The following DAG1 variants were observed in gnomAD, a reference collection of about 807,000 sequenced individuals.
DAG1 encodes the protein dystroglycan 1.
Under a neutral mutation model 46.1 loss-of-function variants are expected in DAG1, and 8 were observed. The ratio of observed to expected loss-of-function variants is 0.17; its 90% confidence interval spans 0.10 to 0.31. The LOEUF is 0.31. Ranked by LOEUF, DAG1 falls within the 10% of genes least tolerant of loss-of-function variation. The pLI is 1.00. For missense variants in DAG1, 1,003 were observed against 1,189.9 expected (o/e 0.84, Z 2.31); for synonymous variants, 495 against 481.8 (o/e 1.03, Z -0.36).
intron 1 of DAG1, chr3:49,487,358 C>CCCAG (rs1167490491): frequency 4.7e-4 from 71 of 152,348 alleles, no homozygotes; most frequent in African/African-American, 1.6e-3. Context: ...CAGCTGGGCT[C>CCCAG]CTGCATTCCT....
chr3:49,474,941 A>G (rs1192101113), intron 1 of DAG1, among the ~76,000 whole-genome samples: 1 of 151,380 alleles, frequency 6.6e-6, no homozygotes, highest in Non-Finnish European at 1.5e-5. Context: ...CCTCCCGAGT[A>G]GCTGGGACTA....
Position 49,532,039 on chromosome 3 carries a change from G to A in DAG1, c.1528G>A (p.Val510Ile). ...CCATATTGACAGGGTAGATGCCTGGGTTGGCACCTACTTTGAGGTGAAGAT... is the reference window on the plus strand; with the variant it reads ...CCATATTGACAGGGTAGATGCCTGGATTGGCACCTACTTTGAGGTGAAGAT... ...KNHIDRVDAW[V>I]GTYFEVKIPS... Residue 510 changes from valine (V) to isoleucine (I), a missense_variant, in exon 3 of 3, where the codon GTT (valine) becomes ATT (isoleucine). Around this residue, in one of 3 missense-constraint regions of DAG1, gnomAD observed 755 missense variants for 854.1 expected, o/e 0.88. Coordinates refer to ENST00000308775, the MANE Select transcript of DAG1 (RefSeq NM_004393.6). The surrounding 1 kb of genome is among the most constrained non-coding windows in gnomAD (Gnocchi z 5.4). 1 of 1,614,218 alleles carries A rather than the reference G, an allele frequency of 6.2e-7. No homozygotes were observed. The highest frequency in any genetic ancestry group is 1.3e-5 in the African/African-American group (1 of 75,058).
intron 1 of DAG1, among the ~76,000 whole-genome samples, chr3:49,486,481 G>A (rs2050030137): frequency 6.6e-6 from 1 of 151,118 alleles, no homozygotes; most frequent in Non-Finnish European, 1.5e-5. Flanking sequence ...GTATCCTGAA[G>A]TGCTGGGATT....
intron 2 of DAG1, among the ~76,000 whole-genome samples, chr3:49,513,437 T>G (rs1161135855): frequency 1.3e-5 from 2 of 152,176 alleles, no homozygotes; most frequent in African/African-American, 4.8e-5. Context: ...ATATAGACTC[T>G]GATGGGTGTT....
chr3:49,520,021 T>C (rs1260668424), intron 2 of DAG1, among the ~76,000 whole-genome samples: 1 of 152,218 alleles, frequency 6.6e-6, no homozygotes, highest in Non-Finnish European at 1.5e-5. Context: ...GGCCAGGTTC[T>C]GCTTTGAGGT....
intron 2 of DAG1, among the ~76,000 whole-genome samples, chr3:49,524,815 T>G (rs2051123785): frequency 6.6e-6 from 1 of 152,016 alleles, no homozygotes; most frequent in Non-Finnish European, 1.5e-5. Context: ...AGACCCTGTC[T>G]CTACACACCC....
chr3:49,482,679 AC>A (rs1196242833), intron 1 of DAG1, among the ~76,000 whole-genome samples: 1 of 152,120 alleles, frequency 6.6e-6, no homozygotes, highest in Admixed American at 6.6e-5. Context: ...CAAATATTAC[AC>A]CATTTTATAT....
Position 49,491,315 on chromosome 3 carries a change from G to GTT in DAG1, c.-116-19091_-116-19090dup, listed in dbSNP as rs71226763. 3.4e-3 allele frequency among the ~76,000 whole-genome samples: 474 copies of GTT among 139,580 alleles called. 4 individuals are homozygous for GTT. The highest frequency in any genetic ancestry group is 0.012 in the Middle Eastern group (3 of 256). 91.6% of individuals were successfully genotyped at this position (139,580 alleles called of 152,430 possible). On this transcript the variant is annotated intron_variant, in intron 1 of 2. Coordinates refer to ENST00000308775, the MANE Select transcript of DAG1 (RefSeq NM_004393.6). ...ATGAGCCACCGCTCCCAGCCAAGTT[G>GTT]TTTTTTTTTTTTTTGAGACAGAGTC...
chr3:49,527,573 G>T (rs1160087845), intron 2 of DAG1, among the ~76,000 whole-genome samples: 10 of 151,696 alleles, frequency 6.6e-5, no homozygotes, highest in Non-Finnish European at 1.3e-4. Flanking sequence ...CGTGGTGGCG[G>T]GCGCCTGTAG....
chr3:49,479,828 G>A (rs554900438), intron 1 of DAG1, among the ~76,000 whole-genome samples: 1 of 148,054 alleles, frequency 6.8e-6, no homozygotes, highest in Non-Finnish European at 1.5e-5. Context: ...TTTTAGTAGA[G>A]ACGGGGTTTC....
rs2050743041 is a variant in DAG1, at chr3:49,510,763, T to C, written c.229T>C (p.Ser77Pro). ...TGATGGCACGGCTGTCGTCGGGCGC[T>C]CATTTCGAGTGACCATTCCAACAGA... ...IPDGTAVVGRSFRVTIPTDLI... is the reference protein window; with the variant it reads ...IPDGTAVVGRPFRVTIPTDLI... The change falls in exon 2 of 3, where the codon TCA (serine) becomes CCA (proline). Residue 77 changes from serine (S) to proline (P), a missense_variant. Ser to Pro is a moderately conservative substitution (Grantham distance 74). This residue lies in a region of DAG1 where 196 missense variants were observed against 239.1 expected (regional missense o/e 0.82). Coordinates refer to ENST00000308775, the MANE Select transcript of DAG1 (RefSeq NM_004393.6). The C allele has an allele frequency of 6.2e-7, 1 of 1,614,156 alleles. No individual in the cohort carries two copies. Among genetic ancestry groups the C allele is most frequent in the African/African-American group, 1.3e-5 (1 of 75,024 alleles).
chr3:49,495,099 G>C (rs937136996), intron 1 of DAG1, among the ~76,000 whole-genome samples: 3 of 152,068 alleles, frequency 2.0e-5, no homozygotes, highest in African/African-American at 7.2e-5. Context: ...TCTCTCAAGG[G>C]AACCATTGGC....
intron 1 of DAG1, among the ~76,000 whole-genome samples, chr3:49,483,898 C>G (rs533708792): frequency 2.6e-5 from 4 of 152,252 alleles, no homozygotes; most frequent in Non-Finnish European, 5.9e-5. Flanking sequence ...GCTGGATCCT[C>G]CTGCCTCAGC....
intron 2 of DAG1, among the ~76,000 whole-genome samples, chr3:49,523,842 A>T (rs898450208): frequency 6.6e-6 from 1 of 152,200 alleles, no homozygotes. Flanking sequence ...CTGATTTTAC[A>T]GATGACACTG....
Position 49,530,773 on chromosome 3 carries a change from A to C in DAG1, c.286-24A>C, listed in dbSNP as rs1365385137. 5 of 1,614,110 alleles carry C rather than the reference A, an allele frequency of 3.1e-6. No individual in the cohort carries two copies. The South Asian group carries it at 5.5e-5, about 18-fold the overall frequency. ...GTTATGCAGTGACAATAGTATTTTTAATTTATGCTTGTGTCTCTTCTAGGT... is the reference window on the plus strand; with the variant it reads ...GTTATGCAGTGACAATAGTATTTTTCATTTATGCTTGTGTCTCTTCTAGGT... On this transcript the variant is annotated intron_variant, in intron 2 of 2. Transcript: ENST00000308775.
chr3:49,518,931 A>T (rs906402272), intron 2 of DAG1, among the ~76,000 whole-genome samples: 4 of 152,166 alleles, frequency 2.6e-5, no homozygotes, highest in Non-Finnish European at 5.9e-5. Flanking sequence ...ATCAGACTGG[A>T]TGCCTGTATA....
In DAG1 at chr3:49,511,356, A is replaced by C. The variant is rs906505967; in HGVS notation, c.285+537A>C. ...AATGGAATCTGAGGCCCGTGTAGAG[A>C]AGAGTGTCTTGGTTGACCCAGGATA... is the stretch of plus-strand genomic sequence containing the variant. On this transcript the variant is annotated intron_variant, in intron 2 of 2. Transcript: ENST00000308775. Among the ~76,000 whole-genome samples, 23 of 152,104 alleles carry C rather than the reference A, an allele frequency of 1.5e-4. 1 individual carries two copies. Among genetic ancestry groups the C allele is most frequent in the Non-Finnish European group, 5.9e-5 (4 of 68,014 alleles).
intron 1 of DAG1, among the ~76,000 whole-genome samples, chr3:49,488,919 A>C (rs2050110018): frequency 6.6e-6 from 1 of 152,090 alleles, no homozygotes; most frequent in African/African-American, 2.4e-5. Context: ...TTGAACTTTA[A>C]GAATGAAATT....
chr3:49,477,800 A>G (rs1197340630), intron 1 of DAG1, among the ~76,000 whole-genome samples: 1 of 151,920 alleles, frequency 6.6e-6, no homozygotes, highest in Non-Finnish European at 1.5e-5. Flanking sequence ...TGTCTCTGAT[A>G]AAAATACAAA....
Sources: allele counts gnomAD v4.1 joint callset (sites outside exome capture counted in the v4.1 genomes callset), GRCh38; gene constraint gnomAD v4.1.1; regional missense constraint gnomAD v4.1.1; non-coding constraint Gnocchi (gnomAD v3.1); transcripts MANE v1.5; gene names NCBI Gene and HGNC (gene_info 2026-07-23, HGNC 2026-07-21).